The following ANKRD44 variants were observed in gnomAD, a reference collection of about 807,000 sequenced individuals.
ANKRD44 encodes serine/threonine-protein phosphatase 6 regulatory ankyrin repeat subunit B.
ANKRD44 carries 35 observed loss-of-function variants against 116.0 expected under a neutral mutation model. That is an observed-to-expected ratio of 0.30 (90% confidence interval 0.23 to 0.40). ANKRD44 has a LOEUF of 0.40. ANKRD44 is among the 10% of genes least tolerant of loss of function. The pLI, the probability that ANKRD44 is intolerant of heterozygous loss-of-function variation, is 1.00. For missense variants in ANKRD44, 1,014 were observed against 1,242.6 expected, an observed-to-expected ratio of 0.82 and a Z score of 2.77; for synonymous variants, 435 against 461.8, an observed-to-expected ratio of 0.94 and a Z score of 0.74.
In ANKRD44 at chr2:196,987,102, C is replaced by T. The variant is rs948644372; in HGVS notation, c.*2489G>A. ...TTGAATTTTTAGATCACATAAGAAA[C>T]GCATAGAATTACATTTTATACAAAC... On this transcript the variant is annotated 3_prime_UTR_variant, in exon 28 of 28. Coordinates refer to ENST00000282272, the MANE Select transcript of ANKRD44 (RefSeq NM_001195144.2). The T allele has an allele frequency of 9.1e-6, 9 of 984,136 alleles. No individual in the cohort carries two copies. The highest frequency in any genetic ancestry group is 9.7e-6 in the Non-Finnish European group (8 of 828,950). The allele number at this position is 984,136 out of a possible 1,614,324, so 61.0% of individuals were successfully genotyped here.
At chr2:197,294,655 G>A (rs906168339) in intron 1 of ANKRD44, among the ~76,000 whole-genome samples, 2 of 152,134 alleles carry the variant, frequency 1.3e-5, no homozygotes, top group African/African-American at 4.8e-5. Flanking sequence ...GCTTCAGAGA[G>A]AACCTTCTAG....
At position 196,993,600 on chromosome 2, in the gene ANKRD44, A is replaced by G; in HGVS notation, c.2906T>C (p.Leu969Pro). ...CCACTTACCATTTTCATCTACAGCAAGTACACAGGCCCCTTTGGCCAGCAA... is the reference window on the plus strand; with the variant it reads ...CCACTTACCATTTTCATCTACAGCAGGTACACAGGCCCCTTTGGCCAGCAA... ...EELLAKGACV[L>P]AVDENASRSN... Residue 969 changes from leucine (L) to proline (P), a missense_variant, in exon 27 of 28, where the codon CTT (leucine) becomes CCT (proline). Transcript: ENST00000282272. 1.3e-6 allele frequency: 2 copies of G among 1,551,058 alleles called. No homozygotes were observed. The highest frequency in any genetic ancestry group is 1.7e-6 in the Non-Finnish European group (2 of 1,147,068).
At chr2:197,024,875 T>A (rs1350976759) in intron 17 of ANKRD44, among the ~76,000 whole-genome samples, 1 of 152,024 alleles carries the variant, frequency 6.6e-6, no homozygotes, top group East Asian at 1.9e-4. Flanking sequence ...AATGTATCCT[T>A]TGAATTTTAA....
chr2:197,045,259 C>T (rs901595559), intron 16 of ANKRD44, among the ~76,000 whole-genome samples: 1 of 152,026 alleles, frequency 6.6e-6, no homozygotes, highest in African/African-American at 2.4e-5. Context: ...ACTTCCCTTC[C>T]TCAACTGCAA....
intron 10 of ANKRD44, among the ~76,000 whole-genome samples, chr2:197,096,808 C>G (rs1429781452): frequency 6.6e-6 from 1 of 152,126 alleles, no homozygotes; most frequent in East Asian, 1.9e-4. Flanking sequence ...ATTTAATCTT[C>G]TCCAATTACT....
At chr2:197,067,970 G>C (rs1393744974) in intron 16 of ANKRD44, among the ~76,000 whole-genome samples, 9 of 151,440 alleles carry the variant, frequency 5.9e-5, no homozygotes, top group South Asian at 2.1e-4. Flanking sequence ...CCAAATGTCC[G>C]ACAATGATAG....
intron 2 of ANKRD44, among the ~76,000 whole-genome samples, chr2:197,181,230 T>A (rs1002678947): frequency 7.2e-5 from 11 of 152,076 alleles, no homozygotes; most frequent in Non-Finnish European, 1.5e-4. Context: ...CAAAAAAAAT[T>A]TTTTATAAAG....
intron 9 of ANKRD44, among the ~76,000 whole-genome samples, chr2:197,106,499 A>G (rs2078430508): frequency 6.6e-6 from 1 of 150,562 alleles, no homozygotes; most frequent in Admixed American, 6.6e-5. Context: ...TTTAAAATAT[A>G]TTTCAGGAGG....
chr2:197,085,731 A>G (rs1423497551), intron 13 of ANKRD44, among the ~76,000 whole-genome samples: 1 of 152,164 alleles, frequency 6.6e-6, no homozygotes, highest in Non-Finnish European at 1.5e-5. Flanking sequence ...AACCGTAAAA[A>G]TGGGCCACCA....
intron 1 of ANKRD44, among the ~76,000 whole-genome samples, chr2:197,309,259 A>G (rs1017837736): frequency 2.0e-5 from 3 of 152,234 alleles, no homozygotes; most frequent in Non-Finnish European, 2.9e-5. Context: ...CCTGATATCA[A>G]CTTACACTTT....
At chr2:197,020,595 T>C (rs1315446642) in intron 17 of ANKRD44, among the ~76,000 whole-genome samples, 1 of 152,202 alleles carries the variant, frequency 6.6e-6, no homozygotes. Flanking sequence ...CCTGGGCACA[T>C]GCAACCCTTC....
intron 16 of ANKRD44, among the ~76,000 whole-genome samples, chr2:197,032,838 C>CTGAA: frequency 6.6e-6 from 1 of 152,268 alleles, no homozygotes; most frequent in South Asian, 2.1e-4. Flanking sequence ...AGATCATTAA[C>CTGAA]TGAACATTGG....
chr2:197,293,232 C>T (rs1488185680), intron 1 of ANKRD44, among the ~76,000 whole-genome samples: 1 of 152,208 alleles, frequency 6.6e-6, no homozygotes, highest in African/African-American at 2.4e-5. Context: ...GCAGCAGAGA[C>T]TGGCACTACA....
At chr2:197,042,844 A>G (rs1002996451) in intron 16 of ANKRD44, among the ~76,000 whole-genome samples, 1 of 152,260 alleles carries the variant, frequency 6.6e-6, no homozygotes. Flanking sequence ...AGTAAAGGCA[A>G]GAATGAGGCA....
At chr2:197,228,646 A>G (rs1440525332) in intron 1 of ANKRD44, among the ~76,000 whole-genome samples, 1 of 152,216 alleles carries the variant, frequency 6.6e-6, no homozygotes, top group Non-Finnish European at 1.5e-5. Context: ...TCTGTGTCCT[A>G]CAACTAAATT....
At position 197,136,672 on chromosome 2, in the gene ANKRD44, A is replaced by C. The variant is rs760211618; in HGVS notation, c.191-10T>G. ...GCATTTACACGAGCTCCTGGAATCAAACAGCACAAGTTAGAGGCATAATGG... is the reference window on the plus strand; with the variant it reads ...GCATTTACACGAGCTCCTGGAATCACACAGCACAAGTTAGAGGCATAATGG... On this transcript the variant is annotated splice_polypyrimidine_tract_variant and intron_variant, in intron 3 of 27. Transcript: ENST00000282272. The C allele has an allele frequency of 1.2e-6, 2 of 1,614,002 alleles. No individual in the cohort carries two copies. The highest frequency in any genetic ancestry group is 2.2e-5 in the East Asian group (1 of 44,886).
intron 16 of ANKRD44, among the ~76,000 whole-genome samples, chr2:197,036,742 T>C (rs2076815727): frequency 6.6e-6 from 1 of 152,134 alleles, no homozygotes; most frequent in Non-Finnish European, 1.5e-5. Context: ...GCTAATGAAA[T>C]CCACTGTGAA....
In ANKRD44 at chr2:197,298,293, T is replaced by TA. The variant is rs543823261; in HGVS notation, c.27+12284dup. On this transcript the variant is annotated intron_variant, in intron 1 of 27. Transcript: ENST00000282272. ...TATCTAAATTCCCTTCCAAATATCT[T>TA]ACACTGGACAAGCCAAATCCAGGTC... Among the ~76,000 whole-genome samples the TA allele has an allele frequency of 1.1e-3, 175 of 152,332 alleles. 1 individual carries two copies. Among genetic ancestry groups the TA allele is most frequent in the African/African-American group, 3.8e-3 (160 of 41,576 alleles).
chr2:197,178,186 G>A (rs994590816), intron 2 of ANKRD44, among the ~76,000 whole-genome samples: 1 of 152,176 alleles, frequency 6.6e-6, no homozygotes, highest in Non-Finnish European at 1.5e-5. Flanking sequence ...ATGACACCAC[G>A]CTGAGCACAG....
Sources: gnomAD v4.1 joint callset for allele counts (sites outside exome capture counted in the v4.1 genomes callset) on GRCh38, gnomAD v4.1.1 for gene constraint, MANE v1.5 for transcripts, NCBI Gene and HGNC (gene_info 2026-07-23, HGNC 2026-07-21) for gene names.